ATG7: variants seen among roughly 807,000 people sequenced by gnomAD.
ATG7 encodes the protein ubiquitin-like modifier-activating enzyme ATG7.
Under a neutral mutation model 82.4 loss-of-function variants are expected in ATG7, and 70 were observed. That is an observed-to-expected ratio of 0.85 (90% CI 0.70 to 1.04). The LOEUF is 1.04. ATG7 is among the 50% of genes least tolerant of loss of function. ATG7 has a pLI of 0.00. For missense variants in ATG7, 792 were observed against 864.3 expected, an observed-to-expected ratio of 0.92 and a Z score of 1.05; for synonymous variants, 287 against 313.0, an observed-to-expected ratio of 0.92 and a Z score of 0.88.
intron 14 of ATG7, chr3:11,348,266 T>C: frequency 2.0e-6 from 1 of 508,534 alleles, no homozygotes; most frequent in Non-Finnish European, 3.4e-6. Flanking sequence ...AGTTGGTTCC[T>C]TCAGTGCGTT....
intron 9 of ATG7, among the ~76,000 whole-genome samples, chr3:11,316,400 T>C (rs570146892): frequency 1.9e-4 from 29 of 152,362 alleles, no homozygotes; most frequent in Non-Finnish European, 3.2e-4. Context: ...ATCTTTGTTT[T>C]TCCTCGTGTT....
At chr3:11,567,031 C>T in the ATG7 span, among the ~76,000 whole-genome samples, 11 of 152,114 alleles carry the variant, frequency 7.2e-5, no homozygotes, top group African/African-American at 2.7e-4. Flanking sequence ...ATGGACCCTG[C>T]GGCCCAGTCG....
At chr3:11,409,358 C>G (rs920447125) in intron 19 of ATG7, among the ~76,000 whole-genome samples, 20 of 152,302 alleles carry the variant, frequency 1.3e-4, no homozygotes, top group Non-Finnish European at 2.6e-4. Context: ...CTCCACTCAA[C>G]CACACGATCG....
At chr3:11,379,209 G>A (rs754952935) in intron 18 of ATG7, among the ~76,000 whole-genome samples, 9 of 152,070 alleles carry the variant, frequency 5.9e-5, no homozygotes, top group Non-Finnish European at 1.2e-4. Context: ...TATTATAAAC[G>A]TTGAGTCCTA....
intron 18 of ATG7, among the ~76,000 whole-genome samples, chr3:11,372,869 C>A (rs910044187): frequency 4.4e-5 from 6 of 136,262 alleles, no homozygotes; most frequent in African/African-American, 1.7e-4. Flanking sequence ...TGTGTGAAAT[C>A]GGCCATGTTT....
intron 20 of ATG7, among the ~76,000 whole-genome samples, chr3:11,432,826 C>T (rs1311741400): frequency 1.3e-5 from 2 of 152,130 alleles, no homozygotes; most frequent in African/African-American, 4.8e-5. Context: ...CCTTTACTTC[C>T]AAGGCCTTTA....
chr3:11,508,917 A>C (rs191128496), intron 20 of ATG7, among the ~76,000 whole-genome samples: 10 of 152,318 alleles, frequency 6.6e-5, no homozygotes, highest in Admixed American at 5.2e-4. Flanking sequence ...TTAATAACAA[A>C]TTAGATCTCT....
intron 20 of ATG7, among the ~76,000 whole-genome samples, chr3:11,543,095 C>T (rs531412899): frequency 2.2e-4 from 33 of 152,170 alleles, no homozygotes; most frequent in African/African-American, 7.7e-4. Flanking sequence ...CCAACCGACC[C>T]CACGGTGCAG....
At chr3:11,350,382 C>A (rs1254773422) in intron 14 of ATG7, among the ~76,000 whole-genome samples, 5 of 152,182 alleles carry the variant, frequency 3.3e-5, no homozygotes, top group Non-Finnish European at 1.5e-5. Context: ...CTTACAATTG[C>A]AAACATTTAT....
intron 7 of ATG7, 29 bp from the exon 8 acceptor site, chr3:11,313,275 T>G: frequency 6.9e-7 from 1 of 1,458,764 alleles, no homozygotes; most frequent in Non-Finnish European, 9.5e-7. Context: ...GGTGCTATTC[T>G]AATAACTTAT....
intron 20 of ATG7, among the ~76,000 whole-genome samples, chr3:11,432,193 T>C (rs1160741897): frequency 6.6e-6 from 1 of 152,132 alleles, no homozygotes; most frequent in Non-Finnish European, 1.5e-5. Context: ...AAATGACTGG[T>C]TGGCGTTGGA....
chr3:11,344,242 TC>T (rs1452001335), intron 13 of ATG7, among the ~76,000 whole-genome samples: 2 of 152,206 alleles, frequency 1.3e-5, no homozygotes, highest in African/African-American at 2.4e-5. Context: ...ATCTTCCTTT[TC>T]CTTGTCTTAT....
intron 20 of ATG7, among the ~76,000 whole-genome samples, chr3:11,446,299 T>C (rs2084545221): frequency 6.6e-6 from 1 of 151,994 alleles, no homozygotes; most frequent in Admixed American, 6.6e-5. Flanking sequence ...GTGATAACGA[T>C]AGAATAAGTC....
downstream of ATG7, among the ~76,000 whole-genome samples, chr3:11,560,748 C>T (rs556581006): frequency 4.6e-5 from 7 of 152,218 alleles, no homozygotes; most frequent in South Asian, 4.2e-4. Context: ...CTTAGTGGCC[C>T]GACACTTAGC....
At chr3:11,440,673 G>GTTTTTTTTTTT (rs2083836620) in intron 20 of ATG7, among the ~76,000 whole-genome samples, 3 of 32,706 alleles carry the variant, frequency 9.2e-5, no homozygotes, top group Non-Finnish European at 1.7e-4. Context: ...GTCCCCATTT[G>GTTTTTTTTTTT]CTTTTTTTTT....
At chr3:11,551,204 C>T (rs2071743281) in intron 20 of ATG7, among the ~76,000 whole-genome samples, 1 of 152,224 alleles carries the variant, frequency 6.6e-6, no homozygotes, top group Non-Finnish European at 1.5e-5. Context: ...GACGCACCCT[C>T]TCCTCCTCGG....
chr3:11,461,623 T>G (rs2244617), intron 20 of ATG7, among the ~76,000 whole-genome samples: 2 of 152,100 alleles, frequency 1.3e-5, no homozygotes, highest in African/African-American at 4.8e-5. Context: ...TGAGAATTCT[T>G]AGTGGTTTTA....
intron 20 of ATG7, among the ~76,000 whole-genome samples, chr3:11,509,664 ATC>A (rs1330794450): frequency 6.6e-6 from 1 of 151,814 alleles, no homozygotes; most frequent in Non-Finnish European, 1.5e-5. Context: ...CCCCCAATCT[ATC>A]TCTAATTTTA....
At chr3:11,322,983 A>G (rs1950409028) in intron 9 of ATG7, among the ~76,000 whole-genome samples, 1 of 152,206 alleles carries the variant, frequency 6.6e-6, no homozygotes, top group South Asian at 2.1e-4. Context: ...CTTGTAGTCC[A>G]AGATACTCTG....
Sources: gnomAD v4.1 joint callset for allele counts (sites outside exome capture counted in the v4.1 genomes callset) on GRCh38, gnomAD v4.1.1 for gene constraint, MANE v1.5 for transcripts, NCBI Gene and HGNC (gene_info 2026-07-23, HGNC 2026-07-21) for gene names.